Variants in STRADB observed in about 807,000 individuals in gnomAD.
The protein encoded by STRADB is STE20-related kinase adapter protein beta.
In STRADB, 34 loss-of-function variants were observed where a neutral mutation model predicts 52.1. The observed-to-expected ratio is 0.65, with a 90% CI of 0.50 to 0.87. STRADB has a LOEUF of 0.87. STRADB is among the 40% of genes least tolerant of loss of function. STRADB has a pLI of 0.00. For missense variants in STRADB, 340 were observed against 483.9 expected, an observed-to-expected ratio of 0.70 and a Z score of 2.79; for synonymous variants, 133 against 174.5, an observed-to-expected ratio of 0.76 and a Z score of 1.87.
At chr2:201,478,251 T>C (rs933363608) in intron 9 of STRADB, 60 bp downstream of exon 9, 2 of 1,589,106 alleles carry the variant, frequency 1.3e-6, no homozygotes, top group Non-Finnish European at 1.7e-6. Flanking sequence ...ACATTCTAGA[T>C]AATTTCTGTT....
chr2:201,453,882 G>A (rs1458323350), intron 1 of STRADB, among the ~76,000 whole-genome samples: 9 of 152,286 alleles, frequency 5.9e-5, no homozygotes, highest in African/African-American at 1.9e-4. Flanking sequence ...TTTCAGGTCC[G>A]TCTTCCTCCC....
chr2:201,467,971 GT>G (rs58449183), intron 3 of STRADB, among the ~76,000 whole-genome samples: 56 of 111,248 alleles, frequency 5.0e-4, no homozygotes, highest in Admixed American at 6.8e-4. Context: ...TTGGTTTTTT[GT>G]TTTTTTTTTT....
intron 3 of STRADB, among the ~76,000 whole-genome samples, chr2:201,469,426 GTCT>G (rs1214853254): frequency 9.2e-5 from 14 of 152,176 alleles, no homozygotes; most frequent in Non-Finnish European, 2.9e-5. Context: ...TAGGAGGTCT[GTCT>G]TCTTTGATTT....
At chr2:201,454,267 G>A (rs899388324) in intron 1 of STRADB, among the ~76,000 whole-genome samples, 4 of 152,100 alleles carry the variant, frequency 2.6e-5, no homozygotes, top group Non-Finnish European at 4.4e-5. Flanking sequence ...GATTTAATAC[G>A]TAATTAATCC....
Position 201,478,475 on chromosome 2 carries a change from G to C in STRADB, c.944G>C (p.Ser315Thr). Residue 315 changes from serine to threonine, a missense_variant, in exon 10 of 12, where the codon AGT becomes ACT. Physicochemically the swap from Ser to Thr is moderately conservative, Grantham distance 58. Coordinates refer to ENST00000194530, the MANE Select transcript of STRADB (RefSeq NM_018571.6). Reference protein sequence around the residue: ...QSGVDSGIGESVLVSSGTHTV... With the variant: ...QSGVDSGIGETVLVSSGTHTV... ...GGTGTAGACTCTGGGATTGGAGAAA[G>C]TGTGCTTGTCTCCAGTGGAACTCAC... 1 of 1,613,856 alleles carries C rather than the reference G, an allele frequency of 6.2e-7. No individual in the cohort carries two copies. Among genetic ancestry groups the C allele is most frequent in the East Asian group, 2.2e-5 (1 of 44,808 alleles).
Position 201,458,720 on chromosome 2 carries a change from A to G in STRADB, c.13-64A>G, listed in dbSNP as rs1952166192. On this transcript the variant is annotated intron_variant, in intron 2 of 11. Transcript: ENST00000194530. The stretch of plus-strand genomic sequence containing the variant: ...GTAGTCATTAGACCTTTTTGTATCT[A>G]CATACCACCCCTGCTTATCCTGTAA... The G allele has an allele frequency of 4.1e-6, 6 of 1,464,350 alleles. No homozygotes were observed. In the African/African-American group the frequency reaches 5.6e-5, roughly 14 times the overall value. 90.7% of individuals were successfully genotyped at this position (1,464,350 alleles called of 1,614,324 possible).
At chr2:201,470,181 T>C in intron 4 of STRADB, 129 bp downstream of exon 4, 1 of 668,478 alleles carries the variant, frequency 1.5e-6, no homozygotes, top group South Asian at 1.9e-5. Context: ...ATTGTGTCAG[T>C]CAAGTGGATT....
intron 2 of STRADB, among the ~76,000 whole-genome samples, chr2:201,455,473 A>C (rs1207268024): frequency 6.6e-6 from 1 of 152,136 alleles, no homozygotes; most frequent in African/African-American, 2.4e-5. Flanking sequence ...CAGCATTTTT[A>C]GGGGCCAAGG....
intron 1 of STRADB, among the ~76,000 whole-genome samples, chr2:201,452,716 T>C (rs1368059882): frequency 1.3e-5 from 2 of 152,232 alleles, no homozygotes; most frequent in Non-Finnish European, 2.9e-5. Flanking sequence ...ATTTTTGCAT[T>C]CCCTGTAACA....
rs757545912 is a variant in STRADB at position 201,478,184 on chromosome 2, G to T, written c.818G>T (p.Arg273Ile). 1.1e-5 allele frequency: 17 copies of T among 1,612,468 alleles called. No individual in the cohort carries two copies. The highest frequency in any genetic ancestry group is 1.4e-5 in the Non-Finnish European group (17 of 1,179,406). The change falls in exon 9 of 12, where the codon AGA becomes ATA. Residue 273 changes from arginine to isoleucine, a missense_variant. By Grantham distance (97) the Arg-to-Ile change is moderately conservative (BLOSUM62 -3). Transcript: ENST00000194530. The part of the protein sequence containing the change: ...SGQVPFQDMH[R>I]TQMLLQKLKG... Reference sequence around the variant, plus strand: ...CAGGTGCCTTTCCAGGACATGCATAGAACTCAGGTAAGTGCTGCTAAAATC... The same window carrying T: ...CAGGTGCCTTTCCAGGACATGCATATAACTCAGGTAAGTGCTGCTAAAATC...
chr2:201,467,949 G>T (rs1952328355), intron 3 of STRADB, among the ~76,000 whole-genome samples: 2 of 148,510 alleles, frequency 1.3e-5, no homozygotes, highest in African/African-American at 4.9e-5. Flanking sequence ...CCTCAATTTT[G>T]TATTTAGGCT....
At chr2:201,452,542 C>G (rs2270315) in intron 1 of STRADB, among the ~76,000 whole-genome samples, 1 of 151,972 alleles carries the variant, frequency 6.6e-6, no homozygotes, top group Non-Finnish European at 1.5e-5. Flanking sequence ...TGCCTGGCAC[C>G]CAGTAGGCGC....
intron 3 of STRADB, among the ~76,000 whole-genome samples, chr2:201,469,456 A>T (rs948970733): frequency 3.3e-5 from 5 of 152,188 alleles, no homozygotes; most frequent in African/African-American, 1.2e-4. Flanking sequence ...CTGACCTCCC[A>T]TCTGATTCAT....
intron 3 of STRADB, chr2:201,460,757 T>C: frequency 3.0e-6 from 1 of 335,260 alleles, no homozygotes; most frequent in East Asian, 8.3e-5. Flanking sequence ...TCTTTATCCA[T>C]TCATCTGTTG....
Position 201,475,696 on chromosome 2 carries a change from G to C in STRADB, c.502G>C (p.Ala168Pro). Residue 168 changes from alanine to proline, a missense_variant, in exon 7 of 12, where the codon GCC becomes CCC. Transcript: ENST00000194530. The part of the protein sequence containing the change: ...ETLIRNILFG[A>P]VRGLNYLHQN... The stretch of plus-strand genomic sequence containing the variant: ...TTTAATAAGAAACATTCTCTTTGGA[G>C]CCGTGAGAGGGTTGAACTATCTGCA... 1 of 1,612,386 alleles carries C rather than the reference G, an allele frequency of 6.2e-7. No homozygotes were observed.
At chr2:201,461,254 T>C (rs1384087131) in intron 3 of STRADB, among the ~76,000 whole-genome samples, 6 of 152,202 alleles carry the variant, frequency 3.9e-5, no homozygotes, top group Non-Finnish European at 8.8e-5. Context: ...AGTGGTGTAA[T>C]CATAGCTCAC....
At position 201,480,815 on chromosome 2, in the gene STRADB, C is replaced by T. The variant is rs916118766; in HGVS notation, c.*640C>T. The T allele has an allele frequency of 1.7e-5, 17 of 985,426 alleles. No individual in the cohort carries two copies. In the East Asian group the frequency reaches 4.5e-4, roughly 26 times the overall value. The allele number at this position is 985,426 out of a possible 1,614,324, so 61.0% of individuals were successfully genotyped here. A position where few individuals can be genotyped will look rare whatever the true frequency, so the allele number is the denominator to read the frequency against. Reference sequence around the variant, plus strand: ...TTATAGATCCTAAATTCACGCACCCCGTGGGAGCTCAATAAAGATTTACTG... The same window carrying T: ...TTATAGATCCTAAATTCACGCACCCTGTGGGAGCTCAATAAAGATTTACTG... On this transcript the variant is annotated 3_prime_UTR_variant, in exon 12 of 12. Transcript: ENST00000194530.
At chr2:201,454,300 T>G (rs757352245) in intron 1 of STRADB, among the ~76,000 whole-genome samples, 1 of 152,204 alleles carries the variant, frequency 6.6e-6, no homozygotes, top group Non-Finnish European at 1.5e-5. Context: ...CTTTGGAAAG[T>G]CTCAAAGTTT....
chr2:201,474,539 G>A lies in STRADB; in HGVS notation c.316-108G>A, dbSNP rs989546105. 7 of 803,830 alleles carry A rather than the reference G, an allele frequency of 8.7e-6. No individual in the cohort carries two copies. The Admixed American group carries it at 1.8e-4, about 21-fold the overall frequency. The allele number at this position is 803,830 out of a possible 1,614,324, so 49.8% of individuals were successfully genotyped here. Reference sequence around the variant, plus strand: ...AATAGATAAAAGCACTAAGAACAGTGCTTTCACTAATAAGCACCCTTGAGT... The same window carrying A: ...AATAGATAAAAGCACTAAGAACAGTACTTTCACTAATAAGCACCCTTGAGT... On this transcript the variant is annotated intron_variant, in intron 5 of 11. Transcript: ENST00000194530.
Sources: gnomAD v4.1 joint callset for allele counts (sites outside exome capture counted in the v4.1 genomes callset) on GRCh38, gnomAD v4.1.1 for gene constraint, MANE v1.5 for transcripts, NCBI Gene and HGNC (gene_info 2026-07-23, HGNC 2026-07-21) for gene names.